PCDHA2: variants seen among roughly 807,000 people sequenced by gnomAD.
The protein encoded by PCDHA2 is protocadherin alpha-2.
PCDHA2 carries 58 observed loss-of-function variants against 66.0 expected under a neutral mutation model. The observed-to-expected ratio is 0.88, with a 90% confidence interval of 0.71 to 1.09. The LOEUF is 1.09. Ranked by LOEUF, PCDHA2 falls within the 50% of genes least tolerant of loss-of-function variation. The pLI, the probability that PCDHA2 is intolerant of heterozygous loss-of-function variation, is 0.00. For missense variants in PCDHA2, 1,267 were observed against 1,242.3 expected (o/e 1.02, Z -0.30); for synonymous variants, 634 against 554.0 (o/e 1.14, Z -2.03).
intron 1 of PCDHA2, among the ~76,000 whole-genome samples, chr5:140,832,286 G>A (rs1312628580): frequency 6.6e-6 from 1 of 152,184 alleles, no homozygotes; most frequent in Non-Finnish European, 1.5e-5. Flanking sequence ...AGCATGAATG[G>A]TGTATTTGCC....
At chr5:140,919,516 A>G (rs1207061379) in intron 1 of PCDHA2, among the ~76,000 whole-genome samples, 2 of 152,078 alleles carry the variant, frequency 1.3e-5, no homozygotes. Flanking sequence ...TATATGTTTT[A>G]ATTCTCTTTT....
chr5:140,927,110 G>A, intron 1 of PCDHA2: 2 of 1,613,752 alleles, frequency 1.2e-6, no homozygotes, highest in Non-Finnish European at 1.7e-6. Flanking sequence ...CTACCCAGCG[G>A]CAATTTGGTG....
At chr5:140,845,056 T>C (rs2150376144) in intron 1 of PCDHA2, among the ~76,000 whole-genome samples, 2 of 149,620 alleles carry the variant, frequency 1.3e-5, no homozygotes, top group South Asian at 2.1e-4. Context: ...CAACTGAAGG[T>C]AACCTCAAAG....
At chr5:140,895,532 A>G (rs546443647) in intron 1 of PCDHA2, among the ~76,000 whole-genome samples, 1 of 152,172 alleles carries the variant, frequency 6.6e-6, no homozygotes, top group East Asian at 1.9e-4. Flanking sequence ...TCGTTTTTCA[A>G]TTGTTGAGTT....
At chr5:140,929,663 G>A (rs1284467278) in intron 1 of PCDHA2, 1 of 336,002 alleles carries the variant, frequency 3.0e-6, no homozygotes, top group African/African-American at 2.1e-5. Context: ...TATTTAAAGT[G>A]AAGAATGAAA....
intron 1 of PCDHA2, chr5:140,843,188 C>T (rs2150354903): frequency 6.3e-7 from 1 of 1,596,014 alleles, no homozygotes; most frequent in Non-Finnish European, 8.6e-7. Flanking sequence ...CATCCCGTTC[C>T]GCGTGGGGCT....
intron 1 of PCDHA2, among the ~76,000 whole-genome samples, chr5:140,846,496 T>C (rs1780511719): frequency 6.9e-6 from 1 of 143,918 alleles, no homozygotes; most frequent in Non-Finnish European, 1.5e-5. Flanking sequence ...TTCCTCAGCC[T>C]CCCAAGTAGC....
chr5:140,857,031 C>T (rs782539359), intron 1 of PCDHA2: 1 of 1,596,318 alleles, frequency 6.3e-7, no homozygotes, highest in Non-Finnish European at 8.6e-7. Flanking sequence ...GGAAACCCAC[C>T]TATGGTTGGT....
intron 1 of PCDHA2, among the ~76,000 whole-genome samples, chr5:140,903,229 T>G (rs2153479721): frequency 6.6e-6 from 1 of 152,340 alleles, no homozygotes; most frequent in Non-Finnish European, 1.5e-5. Context: ...CATCTATTAC[T>G]TTTTGATTTT....
intron 1 of PCDHA2, chr5:140,816,735 T>G (rs1765977458): frequency 6.6e-6 from 1 of 152,192 alleles, no homozygotes; most frequent in Admixed American, 6.5e-5. Flanking sequence ...AAACCTTTTC[T>G]GTGGATGCAT....
intron 1 of PCDHA2, chr5:140,877,444 G>A (rs782552942): frequency 6.2e-7 from 1 of 1,613,864 alleles, no homozygotes; most frequent in South Asian, 1.1e-5. Context: ...CGGTGAGCCC[G>A]CGCTGACGTC....
chr5:140,911,055 G>A lies in PCDHA2; in HGVS notation c.2389-67894G>A, dbSNP rs576580251. The stretch of plus-strand genomic sequence containing the variant: ...CTAGAAGCAAACAGGGGTGGTGGGG[G>A]GTGGGTCCTGAGGAGAATCAACATT... On this transcript the variant is annotated intron_variant, in intron 1 of 3. Transcript: ENST00000526136. 5.3e-5 allele frequency among the ~76,000 whole-genome samples: 8 copies of A among 152,158 alleles called. 1 individual carries two copies. The highest frequency in any genetic ancestry group is 5.2e-4 in the Admixed American group (8 of 15,266).
intron 1 of PCDHA2, chr5:140,927,566 A>G: frequency 6.2e-7 from 1 of 1,614,168 alleles, no homozygotes; most frequent in Non-Finnish European, 8.5e-7. Flanking sequence ...ATTGTGGTGG[A>G]CACAAATGAC....
chr5:140,834,584 G>C (rs2150221913), intron 1 of PCDHA2: 1 of 1,614,122 alleles, frequency 6.2e-7, no homozygotes, highest in Non-Finnish European at 8.5e-7. Flanking sequence ...TCCGGGCGGT[G>C]TGCAAATTCC....
intron 1 of PCDHA2, among the ~76,000 whole-genome samples, chr5:140,951,752 G>A (rs246039): frequency 0.51 from 77,303 of 151,800 alleles, 20,616 homozygotes; most frequent in African/African-American, 0.68. Context: ...CTCACCCTCC[G>A]CGAAATCTCA....
Position 140,920,646 on chromosome 5 carries a change from C to T in PCDHA2, c.2389-58303C>T, listed in dbSNP as rs1210828369. Among the ~76,000 whole-genome samples, 4 of 152,014 alleles carry T rather than the reference C, an allele frequency of 2.6e-5. No individual in the cohort carries two copies. In the South Asian group the frequency reaches 8.3e-4, roughly 32 times the overall value. On this transcript the variant is annotated intron_variant, in intron 1 of 3. Coordinates refer to ENST00000526136, the MANE Select transcript of PCDHA2 (RefSeq NM_018905.3). ...GGATCACAAGGTCAAGAGATTGAGA[C>T]CATCCTTGCCAACATGGTGAAACCC...
chr5:140,876,031 G>C, intron 1 of PCDHA2: 2 of 1,613,702 alleles, frequency 1.2e-6, no homozygotes, highest in Non-Finnish European at 1.7e-6. Flanking sequence ...AACAAAAAAA[G>C]ATAAAAGTAT....
rs78257345 is a variant in PCDHA2 at position 140,892,116 on chromosome 5, T to C, written c.2389-86833T>C. Among the ~76,000 whole-genome samples the C allele has an allele frequency of 8.0e-3, 1,216 of 152,346 alleles. 6 individuals are homozygous for C. The highest frequency in any genetic ancestry group is 0.019 in the African/African-American group (786 of 41,576). On this transcript the variant is annotated intron_variant, in intron 1 of 3. Transcript: ENST00000526136. ...AACTTTCAAGCTTGGCATTTATATCTGGAACACAATAAGCTCATGGTTTTA... is the reference window on the plus strand; with the variant it reads ...AACTTTCAAGCTTGGCATTTATATCCGGAACACAATAAGCTCATGGTTTTA...
At chr5:140,853,228 T>C (rs2042677094) in intron 1 of PCDHA2, 2 of 982,222 alleles carry the variant, frequency 2.0e-6, no homozygotes, top group Non-Finnish European at 2.5e-6. Flanking sequence ...ATTGGTAATT[T>C]AGTCCTTCAT....
Sources: gnomAD v4.1 joint callset for allele counts (sites outside exome capture counted in the v4.1 genomes callset) on GRCh38, gnomAD v4.1.1 for gene constraint, MANE v1.5 for transcripts, NCBI Gene and HGNC (gene_info 2026-07-23, HGNC 2026-07-21) for gene names.